Variants in MIA2 observed in about 807,000 individuals in gnomAD.
The protein encoded by MIA2 is MIA SH3 domain ER export factor 2, also known as melanoma inhibitory activity protein 2.
Under a neutral mutation model 167.8 loss-of-function variants are expected in MIA2, and 127 were observed. That is an observed-to-expected ratio of 0.76 (90% CI 0.66 to 0.88). The LOEUF is 0.88. MIA2 is among the 40% of genes least tolerant of loss of function. The probability of loss-of-function intolerance (pLI) is 0.00; values close to 1 mark genes in which losing one functional copy is unlikely to be tolerated. For synonymous variants in MIA2, 552 were observed against 541.9 expected, an observed-to-expected ratio of 1.02 and a Z score of -0.26; for missense variants, 1,690 against 1,624.7, an observed-to-expected ratio of 1.04 and a Z score of -0.69.
chr14:39,271,563 G>A (rs1780396524), intron 6 of MIA2, among the ~76,000 whole-genome samples: 2 of 152,014 alleles, frequency 1.3e-5, no homozygotes, highest in South Asian at 4.2e-4. Context: ...CTGCAAAAAA[G>A]GCAGTTGGAA....
At chr14:39,251,444 T>C (rs1180602861) in intron 4 of MIA2, among the ~76,000 whole-genome samples, 2 of 152,100 alleles carry the variant, frequency 1.3e-5, no homozygotes, top group Non-Finnish European at 2.9e-5. Context: ...GTAAATAATA[T>C]CTAAAAATAT....
chr14:39,327,166 TCTAAA>T, intron 25 of MIA2, 144 bp downstream of exon 25: 1 of 544,568 alleles, frequency 1.8e-6, no homozygotes, highest in East Asian at 3.6e-5. Context: ...TGATAAATAA[TCTAAA>T]CAGAATGATT....
At chr14:39,277,726 A>G (rs1322777280) in intron 7 of MIA2, among the ~76,000 whole-genome samples, 3 of 3,900 alleles carry the variant, frequency 7.7e-4, no homozygotes, top group East Asian at 0.015. Flanking sequence ...GTGTGTATAT[A>G]TATATATATA....
chr14:39,278,457 T>C (rs1004379313), intron 7 of MIA2, among the ~76,000 whole-genome samples: 1 of 152,220 alleles, frequency 6.6e-6, no homozygotes, highest in African/African-American at 2.4e-5. Flanking sequence ...ATCTTGTCTT[T>C]TAAAGGTTTT....
chr14:39,281,102 T>C (rs746008525), intron 9 of MIA2, among the ~76,000 whole-genome samples: 2 of 151,910 alleles, frequency 1.3e-5, no homozygotes, highest in Non-Finnish European at 2.9e-5. Flanking sequence ...TTTTAAAATT[T>C]CTTGTAGAGA....
chr14:39,267,046 C>G, intron 6 of MIA2: 1 of 1,038,470 alleles, frequency 9.6e-7, no homozygotes. Context: ...CCAGGTAGAG[C>G]GCCGGCCCCT....
downstream of MIA2, chr14:39,351,384 A>AC (rs1555419146): frequency 4.9e-4 from 75 of 151,560 alleles, no homozygotes; most frequent in Admixed American, 4.3e-3. Flanking sequence ...ACCTCAAAAA[A>AC]AAAAAACAAA....
chr14:39,347,897 C>T, intron 27 of MIA2, 126 bp downstream of exon 27: 2 of 853,414 alleles, frequency 2.3e-6, no homozygotes, highest in African/African-American at 1.9e-5. Flanking sequence ...TCTCGGCTCA[C>T]TGCAACCTGG....
intron 9 of MIA2, among the ~76,000 whole-genome samples, chr14:39,286,781 C>T (rs570847346): frequency 6.7e-6 from 1 of 149,792 alleles, no homozygotes; most frequent in African/African-American, 2.5e-5. Context: ...GCAACCTCTG[C>T]CTCCCGGGTT....
chr14:39,354,542 T>C (rs2074472859), downstream of MIA2, among the ~76,000 whole-genome samples: 1 of 152,234 alleles, frequency 6.6e-6, no homozygotes, highest in African/African-American at 2.4e-5. Flanking sequence ...TTTCTTTTGC[T>C]GTGCAGAAGC....
chr14:39,294,652 G>A (rs1000046190), intron 12 of MIA2, among the ~76,000 whole-genome samples: 1 of 152,114 alleles, frequency 6.6e-6, no homozygotes, highest in African/African-American at 2.4e-5. Flanking sequence ...ATTTTAGTAG[G>A]GGAGGCAGAA....
chr14:39,355,125 T>A (rs2074488056), downstream of MIA2, among the ~76,000 whole-genome samples: 1 of 151,130 alleles, frequency 6.6e-6, no homozygotes, highest in Non-Finnish European at 1.5e-5. Flanking sequence ...GGGATGGCAT[T>A]GAATCTATAA....
chr14:39,272,898 T>C (rs12881376), intron 6 of MIA2, among the ~76,000 whole-genome samples: 52,495 of 152,182 alleles, frequency 0.34, 10,750 homozygotes, highest in Non-Finnish European at 0.46. Flanking sequence ...AATCTTATTC[T>C]TTTTGATGCT....
At chr14:39,267,442 G>C in intron 6 of MIA2, 1 of 1,611,958 alleles carries the variant, frequency 6.2e-7, no homozygotes, top group Non-Finnish European at 8.5e-7. Context: ...TGGCGACCAC[G>C]AGAGCAGCTT....
chr14:39,238,189 TA>T (rs201956645), intron 2 of MIA2, among the ~76,000 whole-genome samples: 38 of 150,668 alleles, frequency 2.5e-4, no homozygotes, highest in African/African-American at 3.4e-4. Flanking sequence ...TTTTTTTTTT[TA>T]TTGAGACAGA....
chr14:39,354,992 C>T (rs545624103), downstream of MIA2, among the ~76,000 whole-genome samples: 26 of 152,094 alleles, frequency 1.7e-4, no homozygotes, highest in South Asian at 4.2e-4. Flanking sequence ...AGTCAGGTAG[C>T]GTGATGCCTC....
chr14:39,237,762 A>G (rs2053824480), intron 2 of MIA2, among the ~76,000 whole-genome samples: 1 of 151,840 alleles, frequency 6.6e-6, no homozygotes, highest in African/African-American at 2.4e-5. Flanking sequence ...TTTTTGAGAC[A>G]AAGTCTCGCT....
At chr14:39,357,105 C>G (rs150519089) in intron 23 of MIA2, among the ~76,000 whole-genome samples, 1 of 152,094 alleles carries the variant, frequency 6.6e-6, no homozygotes, top group East Asian at 1.9e-4. Flanking sequence ...CCTGGATATC[C>G]TTGTTAACTT....
At chr14:39,301,212 C>T (rs1424392908) in intron 14 of MIA2, among the ~76,000 whole-genome samples, 3 of 152,040 alleles carry the variant, frequency 2.0e-5, no homozygotes, top group Admixed American at 6.6e-5. Context: ...AGGCATGTGC[C>T]ACTATGCCTG....
Sources: gnomAD v4.1 joint callset for allele counts (sites outside exome capture counted in the v4.1 genomes callset) on GRCh38, gnomAD v4.1.1 for gene constraint, MANE v1.5 for transcripts, NCBI Gene and HGNC (gene_info 2026-07-23, HGNC 2026-07-21) for gene names.